STAG1: variants seen among roughly 807,000 people sequenced by gnomAD.
STAG1 encodes STAG1 cohesin complex component.
A neutral mutation model predicts 170.9 loss-of-function variants in STAG1; 26 were observed. The ratio of observed to expected loss-of-function variants is 0.15; its 90% CI spans 0.11 to 0.21. STAG1 has a LOEUF of 0.21. Among genes scored for constraint, STAG1 ranks in the 10% least tolerant of loss-of-function variants. The probability of loss-of-function intolerance (pLI) is 1.00; values close to 1 mark genes in which losing one functional copy is unlikely to be tolerated. For synonymous variants in STAG1, 514 were observed against 497.7 expected (o/e 1.03, Z -0.44); for missense variants, 964 against 1,509.5 (o/e 0.64, Z 5.99).
intron 1 of STAG1, among the ~76,000 whole-genome samples, chr3:136,661,350 T>C (rs76058821): frequency 6.6e-6 from 1 of 152,224 alleles, no homozygotes; most frequent in East Asian, 1.9e-4. Flanking sequence ...AATCCAAAAT[T>C]CAAAGTGCTT....
chr3:136,493,266 C>T (rs865800418), intron 9 of STAG1, among the ~76,000 whole-genome samples: 1 of 151,998 alleles, frequency 6.6e-6, no homozygotes, highest in Middle Eastern at 3.2e-3. Context: ...TCACCTGAGC[C>T]CAGGATGTTG....
chr3:136,439,164 CA>C (rs1478185620), intron 15 of STAG1, among the ~76,000 whole-genome samples: 9 of 128,368 alleles, frequency 7.0e-5, no homozygotes, highest in African/African-American at 2.7e-4. Context: ...CACTGCACTA[CA>C]GCCTGGGCAA....
chr3:136,518,798 A>C (rs990071766), intron 7 of STAG1, among the ~76,000 whole-genome samples: 1 of 152,162 alleles, frequency 6.6e-6, no homozygotes, highest in Non-Finnish European at 1.5e-5. Context: ...AATAGGCTAC[A>C]TGATGATACT....
intron 1 of STAG1, among the ~76,000 whole-genome samples, chr3:136,663,107 G>A (rs1941632950): frequency 6.6e-6 from 1 of 151,802 alleles, no homozygotes; most frequent in African/African-American, 2.4e-5. Context: ...ATAAAATCAA[G>A]TGGGTTGAAA....
At chr3:136,635,807 A>G (rs763223577) in intron 1 of STAG1, among the ~76,000 whole-genome samples, 1 of 152,262 alleles carries the variant, frequency 6.6e-6, no homozygotes, top group Non-Finnish European at 1.5e-5. Flanking sequence ...TATAAAAGTC[A>G]ATCACTTTGC....
At chr3:136,667,495 T>TA (rs1941827083) in intron 1 of STAG1, among the ~76,000 whole-genome samples, 4 of 152,288 alleles carry the variant, frequency 2.6e-5, no homozygotes, top group East Asian at 1.9e-4. Context: ...ATGGTTTTCT[T>TA]AGAGTTTGGA....
chr3:136,451,971 A>C, intron 14 of STAG1, 62 bp downstream of exon 14: 1 of 1,096,908 alleles, frequency 9.1e-7, no homozygotes, highest in East Asian at 2.6e-5. Context: ...AATTAAAATG[A>C]ATTGACATTT....
chr3:136,371,135 T>G (rs1373549031), intron 23 of STAG1, among the ~76,000 whole-genome samples: 5 of 152,182 alleles, frequency 3.3e-5, no homozygotes, highest in Non-Finnish European at 7.4e-5. Context: ...TTTCATGTGT[T>G]TTTTGGCTGC....
chr3:136,692,303 G>C (rs951398515), intron 1 of STAG1, among the ~76,000 whole-genome samples: 1 of 96,584 alleles, frequency 1.0e-5, no homozygotes, highest in Non-Finnish European at 1.8e-5. Context: ...GACTAAGCAA[G>C]ACTCCATCTC....
At position 136,604,199 on chromosome 3, in the gene STAG1, T is replaced by G. The variant is rs1259026498; in HGVS notation, c.297+110A>C. ...AACCTTTCAGGATAAACTGAAAGGTTGCTTACATAATCAACAGAAGTATAT... is the reference window on the plus strand; with the variant it reads ...AACCTTTCAGGATAAACTGAAAGGTGGCTTACATAATCAACAGAAGTATAT... On this transcript the variant is annotated intron_variant, in intron 4 of 33. Coordinates refer to ENST00000383202, the MANE Select transcript of STAG1 (RefSeq NM_005862.3). The G allele has an allele frequency of 9.3e-6, 9 of 966,300 alleles. No individual in the cohort carries two copies. The African/African-American group carries it at 1.5e-4, about 16-fold the overall frequency. 59.9% of individuals were successfully genotyped at this position (966,300 alleles called of 1,614,324 possible).
chr3:136,403,214 G>A (rs2108348714), intron 21 of STAG1, among the ~76,000 whole-genome samples: 1 of 101,456 alleles, frequency 9.9e-6, no homozygotes, highest in Middle Eastern at 9.4e-3. Flanking sequence ...GCGACAGAGT[G>A]AGACTGTCTT....
chr3:136,593,605 T>C (rs997752355), intron 4 of STAG1, among the ~76,000 whole-genome samples: 1 of 152,202 alleles, frequency 6.6e-6, no homozygotes, highest in Non-Finnish European at 1.5e-5. Context: ...CCAGTCCCCA[T>C]GGAAAAGACC....
chr3:136,565,515 A>T (rs1937044620), intron 5 of STAG1, among the ~76,000 whole-genome samples: 1 of 152,236 alleles, frequency 6.6e-6, no homozygotes. Context: ...TAATTTTTAA[A>T]ACTATAAAAT....
chr3:136,724,159 G>GT (rs1159003791), intron 1 of STAG1, among the ~76,000 whole-genome samples: 1 of 113,182 alleles, frequency 8.8e-6, no homozygotes, highest in African/African-American at 6.4e-5. Context: ...GTGGAATAGA[G>GT]GAGGGGAGAA....
chr3:136,508,158 T>C (rs556310315), intron 7 of STAG1, among the ~76,000 whole-genome samples: 15 of 152,216 alleles, frequency 9.9e-5, no homozygotes, highest in Non-Finnish European at 1.8e-4. Flanking sequence ...GTTAGTCTTA[T>C]GTGTCCAGGC....
intron 1 of STAG1, among the ~76,000 whole-genome samples, chr3:136,646,193 C>T (rs1264261838): frequency 6.6e-6 from 1 of 152,094 alleles, no homozygotes; most frequent in Non-Finnish European, 1.5e-5. Flanking sequence ...TTACCTAAAC[C>T]ACTTTCTCAC....
intron 5 of STAG1, among the ~76,000 whole-genome samples, chr3:136,547,941 G>A (rs545191595): frequency 1.3e-5 from 2 of 152,198 alleles, no homozygotes; most frequent in South Asian, 4.1e-4. Context: ...TTTGCATGTA[G>A]ATATCCAGTT....
chr3:136,749,963 C>T (rs1043333051), intron 1 of STAG1, among the ~76,000 whole-genome samples: 2 of 149,872 alleles, frequency 1.3e-5, no homozygotes, highest in Admixed American at 6.7e-5. Flanking sequence ...TATAAAGATA[C>T]AGGACAAAAC....
At chr3:136,340,694 A>C in intron 31 of STAG1, 89 bp from the exon 32 acceptor site, 1 of 812,272 alleles carries the variant, frequency 1.2e-6, no homozygotes, top group Non-Finnish European at 2.2e-6. Flanking sequence ...ATTCTAACCA[A>C]GTGAAGTATA....
Sources: allele counts gnomAD v4.1 joint callset (sites outside exome capture counted in the v4.1 genomes callset), GRCh38; gene constraint gnomAD v4.1.1; transcripts MANE v1.5; gene names NCBI Gene and HGNC (gene_info 2026-07-23, HGNC 2026-07-21).